The following APOO variants were observed in gnomAD, a reference collection of about 807,000 sequenced individuals.
The protein encoded by APOO is apolipoprotein O.
A neutral mutation model predicts 23.1 loss-of-function variants in APOO; 11 were observed. The observed-to-expected ratio is 0.48, with a 90% CI of 0.30 to 0.79. The LOEUF is 0.79. APOO is among the 30% of genes least tolerant of loss of function. The pLI is 0.07. For missense variants in APOO, 160 were observed against 142.7 expected (o/e 1.12, Z -0.62); for synonymous variants, 59 against 54.8 (o/e 1.08, Z -0.34).
intron 6 of APOO, among the ~76,000 whole-genome samples, chrX:23,857,162 A>G (rs1924818503): frequency 9.2e-6 from 1 of 109,250 alleles, no homozygotes. Flanking sequence ...GGGTAACAAA[A>G]TAATCTGTAC....
At chrX:23,850,718 T>C (rs771259289) in intron 7 of APOO, among the ~76,000 whole-genome samples, 1 of 111,494 alleles carries the variant, frequency 9.0e-6, no homozygotes, top group Non-Finnish European at 1.9e-5. Context: ...TCCTAGCTAC[T>C]CTGGAGGCTG....
chrX:23,870,474 T>C (rs766142983), intron 4 of APOO, among the ~76,000 whole-genome samples: 2 of 112,009 alleles, frequency 1.8e-5, no homozygotes, highest in African/African-American at 3.2e-5. Flanking sequence ...ATAATGGATG[T>C]TCATTCAATA....
At chrX:23,863,634 C>T (rs144032050) in intron 5 of APOO, among the ~76,000 whole-genome samples, 6 of 111,152 alleles carry the variant, frequency 5.4e-5, no homozygotes, top group African/African-American at 1.6e-4. Context: ...CTCCAACATA[C>T]GCTTTTTTGA....
At chrX:23,863,722 G>T (rs370965390) in intron 5 of APOO, among the ~76,000 whole-genome samples, 1 of 110,749 alleles carries the variant, frequency 9.0e-6, no homozygotes, top group Admixed American at 9.8e-5. Flanking sequence ...GGAAAAGGGG[G>T]CTTAAACCCA....
intron 7 of APOO, among the ~76,000 whole-genome samples, chrX:23,847,856 AAT>A (rs1307528821): frequency 3.9e-5 from 4 of 102,947 alleles, no homozygotes; most frequent in African/African-American, 1.0e-4. Context: ...TCTCTATATA[AAT>A]ATATATATAT....
At chrX:23,889,921 A>G (rs954133258) in intron 1 of APOO, among the ~76,000 whole-genome samples, 15 of 110,280 alleles carry the variant, frequency 1.4e-4, no homozygotes, top group Non-Finnish European at 2.8e-4. Context: ...TCGGCCTCCC[A>G]AAGTGCTGGG....
At chrX:23,878,048 G>C (rs1036548649) in intron 3 of APOO, among the ~76,000 whole-genome samples, 1 of 111,871 alleles carries the variant, frequency 8.9e-6, no homozygotes. Context: ...ATCTGTATAT[G>C]TAGTTCTTTG....
At chrX:23,906,656 A>G (rs1927371182) in intron 1 of APOO, among the ~76,000 whole-genome samples, 1 of 112,750 alleles carries the variant, frequency 8.9e-6, no homozygotes, top group African/African-American at 3.2e-5. Flanking sequence ...CTAAACTGTG[A>G]GCTGCCTGAA....
At chrX:23,857,662 T>G (rs1372335853) in intron 6 of APOO, among the ~76,000 whole-genome samples, 1 of 111,643 alleles carries the variant, frequency 9.0e-6, no homozygotes, top group Admixed American at 9.6e-5. Context: ...GAGTCCAATT[T>G]GGGTGACTGC....
Position 23,842,230 on chromosome X carries a change from A to G in APOO, c.562-1853T>C, listed in dbSNP as rs1391113872. On this transcript the variant is annotated intron_variant, in intron 7 of 8. Coordinates refer to ENST00000379226, the MANE Select transcript of APOO (RefSeq NM_024122.5). ...ATGCTGAAATCCTGTCTCTAAAAAA[A>G]ATACAAAAATTAGCCAGGTGGGATG... 4.5e-5 allele frequency among the ~76,000 whole-genome samples: 5 copies of G among 111,362 alleles called. No homozygotes were observed. In the East Asian group the frequency reaches 1.4e-3, roughly 32 times the overall value.
intron 5 of APOO, among the ~76,000 whole-genome samples, chrX:23,866,293 T>A (rs1442785479): frequency 9.0e-6 from 1 of 111,531 alleles, no homozygotes; most frequent in Non-Finnish European, 1.9e-5. Context: ...TTGCAAGAAA[T>A]GAGGTGAAAG....
chrX:23,879,142 C>CTAGA, intron 2 of APOO, 108 bp from the exon 3 acceptor site: 1 of 956,177 alleles, frequency 1.0e-6, no homozygotes, highest in Non-Finnish European at 1.4e-6. Flanking sequence ...TCATGAATTA[C>CTAGA]AGTGACTCTG....
At chrX:23,878,721 ACTTGCTAT>A (rs781293428) in intron 3 of APOO, among the ~76,000 whole-genome samples, 186 bp downstream of exon 3, 677 of 4,949 alleles carry the variant, frequency 0.14, 5 homozygotes, top group African/African-American at 0.22. Context: ...CATTCTTGCT[ACTTGCTAT>A]TTTTTTTTTT....
chrX:23,867,582 G>A (rs142866756), intron 5 of APOO, among the ~76,000 whole-genome samples: 6,961 of 109,885 alleles, frequency 0.063, 481 homozygotes, highest in African/African-American at 0.2. Context: ...TCGCACTGTC[G>A]CCCAGGCTGA....
At chrX:23,836,911 G>A in intron 8 of APOO, 1 of 1,139,451 alleles carries the variant, frequency 8.8e-7, no homozygotes, top group South Asian at 1.9e-5. Flanking sequence ...CTGGGCTTGA[G>A]ATACTGAACA....
chrX:23,850,152 G>A (rs2146976554), intron 7 of APOO, among the ~76,000 whole-genome samples: 1 of 112,017 alleles, frequency 8.9e-6, no homozygotes, highest in South Asian at 3.6e-4. Context: ...AAATATACTC[G>A]TGTGTATGAA....
chrX:23,861,364 C>G (rs1298223911), intron 5 of APOO, among the ~76,000 whole-genome samples: 1 of 109,528 alleles, frequency 9.1e-6, no homozygotes, highest in South Asian at 4.0e-4. Flanking sequence ...CACCAGCTCC[C>G]CCTTTGCCTT....
intron 1 of APOO, among the ~76,000 whole-genome samples, chrX:23,884,367 T>C (rs1036603379): frequency 1.8e-5 from 2 of 111,023 alleles, no homozygotes; most frequent in South Asian, 3.8e-4. Context: ...GATAGTTTAA[T>C]AGGCAAAATT....
At chrX:23,902,893 T>G (rs1348403274) in intron 1 of APOO, among the ~76,000 whole-genome samples, 1 of 110,616 alleles carries the variant, frequency 9.0e-6, no homozygotes, top group Non-Finnish European at 1.9e-5. Flanking sequence ...CATACAGGAG[T>G]GCTCTCAGCA....
Sources: allele counts gnomAD v4.1 joint callset (sites outside exome capture counted in the v4.1 genomes callset), GRCh38; gene constraint gnomAD v4.1.1; transcripts MANE v1.5; gene names NCBI Gene and HGNC (gene_info 2026-07-23, HGNC 2026-07-21).